Variants in CDH19 observed in about 807,000 individuals in gnomAD.
CDH19 encodes the protein cadherin-19.
In CDH19, 67 loss-of-function variants were observed where a neutral mutation model predicts 64.2. The ratio of observed to expected loss-of-function variants is 1.04; its 90% CI spans 0.86 to 1.28. CDH19 has a LOEUF of 1.28. Among genes scored for constraint, CDH19 ranks in the 50% most tolerant of loss-of-function variants. The pLI, the probability that CDH19 is intolerant of heterozygous loss-of-function variation, is 0.00. For synonymous variants in CDH19, 346 were observed against 319.3 expected, an observed-to-expected ratio of 1.08 and a Z score of -0.89; for missense variants, 1,030 against 929.0, an observed-to-expected ratio of 1.11 and a Z score of -1.41.
In CDH19 at chr18:66,551,141, A is replaced by T; in HGVS notation, c.728T>A (p.Leu243Ter). The change falls in exon 5 of 12, where the codon TTA becomes TAA. Residue 243 changes from leucine (L) to a stop codon, truncating the protein, a stop_gained. Transcript: ENST00000262150. LOFTEE classifies it high-confidence loss of function. The stretch of plus-strand genomic sequence containing the variant: ...GTCATTAACATCTGAAAGTTTAATT[A>T]ATACACTTGTTGTTCCAGACAACGC... The part of the protein sequence containing the change: ...PGALSGTTSV[L>*]IKLSDVNDNK... 6 of 1,607,940 alleles carry T rather than the reference A, an allele frequency of 3.7e-6. No individual in the cohort carries two copies. Among genetic ancestry groups the T allele is most frequent in the Non-Finnish European group, 5.1e-6 (6 of 1,174,890 alleles).
At chr18:66,602,992 T>C (rs909925467) in intron 1 of CDH19, among the ~76,000 whole-genome samples, 1 of 151,260 alleles carries the variant, frequency 6.6e-6, no homozygotes, top group Non-Finnish European at 1.5e-5. Flanking sequence ...TAACTACATC[T>C]AAAACATAAA....
Position 66,590,939 on chromosome 18 carries a change from C to T in CDH19, c.-113+13015G>A, listed in dbSNP as rs549778767. On this transcript the variant is annotated intron_variant, in intron 1 of 11. Transcript: ENST00000262150. The stretch of plus-strand genomic sequence containing the variant: ...GCCTGTTTGGGGTCTATCATTTTCC[C>T]TTTCTTCCTCAAGAGGATAATCAGC... 1.8e-3 allele frequency among the ~76,000 whole-genome samples: 281 copies of T among 151,950 alleles called. 2 individuals are homozygous for T. Among genetic ancestry groups the T allele is most frequent in the African/African-American group, 6.3e-3 (260 of 41,518 alleles).
At chr18:66,593,313 C>A (rs552195463) in intron 1 of CDH19, among the ~76,000 whole-genome samples, 1 of 151,976 alleles carries the variant, frequency 6.6e-6, no homozygotes, top group East Asian at 1.9e-4. Flanking sequence ...TTTTCAATCT[C>A]ACATCTGTGA....
At chr18:66,569,005 G>A (rs1387219862) in intron 2 of CDH19, among the ~76,000 whole-genome samples, 5 of 151,562 alleles carry the variant, frequency 3.3e-5, no homozygotes, top group Non-Finnish European at 5.9e-5. Flanking sequence ...AGTTGGTTCA[G>A]TTTTTATTTA....
chr18:66,582,500 T>C (rs1036401634), intron 1 of CDH19, among the ~76,000 whole-genome samples: 5 of 152,008 alleles, frequency 3.3e-5, no homozygotes, highest in Admixed American at 1.3e-4. Flanking sequence ...GAAGCAATAT[T>C]TTGGGGCCAA....
At position 66,511,635 on chromosome 18, in the gene CDH19, G is replaced by A. The variant is rs748411461; in HGVS notation, c.1509C>T (p.His503=). The A allele has an allele frequency of 6.3e-7, 1 of 1,578,436 alleles. No individual in the cohort carries two copies. The highest frequency in any genetic ancestry group is 1.4e-5 in the African/African-American group (1 of 74,056). Residue 503 remains histidine (H), a synonymous_variant, in exon 10 of 12, where the codon CAC becomes CAT. Transcript: ENST00000262150. ...AVDRDESIEE[H]HFYFNLSVED... is the part of the protein sequence containing the mutation. ...CTACAGATAGATTAAAGTAAAAATG[G>A]TGCTCTTCTATGGATTCATCTCTAT...
In CDH19 at chr18:66,504,977, G is replaced by C. The variant is rs758504641; in HGVS notation, c.2154C>G (p.Leu718=). The C allele has an allele frequency of 1.9e-6, 3 of 1,613,556 alleles. No individual in the cohort carries two copies. In the South Asian group the frequency reaches 3.3e-5, roughly 18 times the overall value. Residue 718 remains leucine (L), a synonymous_variant, in exon 12 of 12, where the codon CTC becomes CTG. Coordinates refer to ENST00000262150, the MANE Select transcript of CDH19 (RefSeq NM_021153.4). ...CTGTTCCCTCAAAAGCGTAGGTCTGGAGGGAATCAAAAGGAGGGGCACACG... is the reference window on the plus strand; with the variant it reads ...CTGTTCCCTCAAAAGCGTAGGTCTGCAGGGAATCAAAAGGAGGGGCACACG... The part of the protein sequence containing the change: ...TDPCAPPFDS[L]QTYAFEGTGS...
rs1985131041 is a variant in CDH19 at position 66,505,196 on chromosome 18, C to A, written c.1935G>T (p.Gly645=). The change falls in exon 12 of 12, where the codon GGG becomes GGT. Residue 645 remains glycine, a synonymous_variant. Coordinates refer to ENST00000262150, the MANE Select transcript of CDH19 (RefSeq NM_021153.4). ...RENIFQYDDE[G]GGEEDTEAFD... The stretch of plus-strand genomic sequence containing the variant: ...AGGCCTCTGTATCTTCTTCTCCACC[C>A]CCTTCATCATCATATTGGAATATAT... 1 of 1,613,134 alleles carries A rather than the reference C, an allele frequency of 6.2e-7. No individual in the cohort carries two copies. The highest frequency in any genetic ancestry group is 1.1e-5 in the South Asian group (1 of 91,032).
rs1056754842 is a variant in CDH19, at chr18:66,547,902, C to T, written c.776-2999G>A. On this transcript the variant is annotated intron_variant, in intron 5 of 11. Coordinates refer to ENST00000262150, the MANE Select transcript of CDH19 (RefSeq NM_021153.4). ...CGGGATGGTCTCGATCTCCTGACCT[C>T]GTGATCCGCCCGCCTCGGCCTCCCA... is the stretch of plus-strand genomic sequence containing the variant. 2.8e-5 allele frequency among the ~76,000 whole-genome samples: 4 copies of T among 142,454 alleles called. No homozygotes were observed. In the East Asian group the frequency reaches 7.9e-4, roughly 28 times the overall value. The allele number at this position is 142,454 out of a possible 152,430, so 93.5% of individuals were successfully genotyped here.
intron 1 of CDH19, among the ~76,000 whole-genome samples, chr18:66,591,096 C>T (rs1199643093): frequency 2.6e-5 from 4 of 151,868 alleles, no homozygotes; most frequent in Non-Finnish European, 4.4e-5. Flanking sequence ...TGACACTAGT[C>T]AAGATTCTTA....
chr18:66,571,859 T>G, intron 2 of CDH19, 151 bp downstream of exon 2: 1 of 546,496 alleles, frequency 1.8e-6, no homozygotes. Flanking sequence ...TTTAGGTGCT[T>G]GCAAATCTGA....
At chr18:66,551,355 A>T (rs1221149405) in intron 4 of CDH19, 97 bp from the exon 5 acceptor site, 1 of 709,056 alleles carries the variant, frequency 1.4e-6, no homozygotes, top group Non-Finnish European at 2.4e-6. Flanking sequence ...ATTTTGCTAT[A>T]TGTTGAACCA....
At chr18:66,581,818 G>A (rs1014671021) in intron 1 of CDH19, among the ~76,000 whole-genome samples, 6 of 151,940 alleles carry the variant, frequency 3.9e-5, no homozygotes, top group Admixed American at 1.3e-4. Context: ...CCTTGTATCC[G>A]TGTGAGTTAA....
At chr18:66,556,719 C>T (rs142025917) in intron 3 of CDH19, among the ~76,000 whole-genome samples, 240 of 151,832 alleles carry the variant, frequency 1.6e-3, no homozygotes, top group African/African-American at 5.5e-3. Flanking sequence ...TAGCAAAAAG[C>T]CAAATAATCA....
At chr18:66,534,302 G>A (rs759255531) in intron 8 of CDH19, among the ~76,000 whole-genome samples, 52 of 151,984 alleles carry the variant, frequency 3.4e-4, no homozygotes, top group Non-Finnish European at 5.9e-4. Context: ...TGTTTCCATA[G>A]AACTGTTCAT....
chr18:66,574,346 C>G (rs1038647664), intron 1 of CDH19, among the ~76,000 whole-genome samples: 11 of 151,192 alleles, frequency 7.3e-5, no homozygotes, highest in Non-Finnish European at 1.5e-4. Flanking sequence ...TAGACTAGGA[C>G]ACAAAATATA....
chr18:66,561,012 C>A (rs1391087349), intron 3 of CDH19, among the ~76,000 whole-genome samples: 2 of 151,942 alleles, frequency 1.3e-5, no homozygotes, highest in East Asian at 3.9e-4. Context: ...GAAGAATATT[C>A]TTCATAAGTA....
intron 3 of CDH19, among the ~76,000 whole-genome samples, chr18:66,555,229 T>A (rs1987475333): frequency 1.3e-5 from 2 of 151,848 alleles, no homozygotes; most frequent in Admixed American, 1.3e-4. Context: ...TTTCAAAGTA[T>A]CTTTCTGTAA....
intron 1 of CDH19, among the ~76,000 whole-genome samples, chr18:66,578,642 T>C (rs1284215689): frequency 6.6e-6 from 1 of 151,936 alleles, no homozygotes; most frequent in Non-Finnish European, 1.5e-5. Context: ...CAAGGATATC[T>C]ATCTAGATAT....
Sources: allele counts gnomAD v4.1 joint callset (sites outside exome capture counted in the v4.1 genomes callset), GRCh38; gene constraint gnomAD v4.1.1; transcripts MANE v1.5; gene names NCBI Gene and HGNC (gene_info 2026-07-23, HGNC 2026-07-21).